Variants in PRSS48 observed in about 807,000 individuals in gnomAD.
PRSS48 encodes serine protease 48.
Under a neutral mutation model 25.6 loss-of-function variants are expected in PRSS48, and 21 were observed. The ratio of observed to expected loss-of-function variants is 0.82; its 90% CI spans 0.58 to 1.18. PRSS48 has a LOEUF of 1.18. Ranked by LOEUF, PRSS48 falls within the 50% of genes most tolerant of loss-of-function variation. PRSS48 has a pLI of 0.00. For synonymous variants in PRSS48, 150 were observed against 149.3 expected (o/e 1.00, Z -0.04); for missense variants, 373 against 399.3 (o/e 0.93, Z 0.56).
At chr4:151,279,923 G>C (rs759970528) in exon 2 of PRSS48, 1 of 1,613,638 alleles carries the variant, frequency 6.2e-7, no homozygotes, top group South Asian at 1.1e-5. Context: ...TCGTCAGTGA[G>C]AGGTTGATAC....
intron 2 of PRSS48, 126 bp from the exon 3 acceptor site, chr4:151,282,022 G>A: frequency 1.1e-6 from 1 of 928,462 alleles, no homozygotes; most frequent in Non-Finnish European, 1.7e-6. Context: ...GTTGAAGTTG[G>A]AAGCACCATG....
chr4:151,286,941 C>T (rs567849248), intron 4 of PRSS48, among the ~76,000 whole-genome samples: 4 of 151,244 alleles, frequency 2.6e-5, no homozygotes, highest in African/African-American at 7.3e-5. Context: ...GATCGCGCCA[C>T]TGCACTCCAG....
chr4:151,277,812 G>A (rs1240744806), intron 1 of PRSS48, among the ~76,000 whole-genome samples: 4 of 152,146 alleles, frequency 2.6e-5, no homozygotes, highest in Admixed American at 6.5e-5. Context: ...ATGCCAAGGC[G>A]GGCAGATCAC....
At chr4:151,286,657 G>A (rs558053345) in intron 4 of PRSS48, among the ~76,000 whole-genome samples, 1 of 150,148 alleles carries the variant, frequency 6.7e-6, no homozygotes, top group Admixed American at 6.6e-5. Context: ...AGAATTCATT[G>A]ATGAATTCTA....
chr4:151,282,314 T>C (rs778491461), exon 3 of PRSS48: 1 of 1,613,954 alleles, frequency 6.2e-7, no homozygotes, highest in Non-Finnish European at 8.5e-7. Flanking sequence ...CACCTTCACT[T>C]CTGCCATCCT....
intron 1 of PRSS48, among the ~76,000 whole-genome samples, chr4:151,277,608 C>A (rs1223667060): frequency 1.3e-5 from 2 of 152,168 alleles, no homozygotes; most frequent in Admixed American, 6.5e-5. Flanking sequence ...TTGAGCAGAA[C>A]TGAAGGGGAT....
intron 2 of PRSS48, among the ~76,000 whole-genome samples, chr4:151,280,702 G>T (rs917191630): frequency 1.3e-5 from 2 of 151,834 alleles, no homozygotes; most frequent in Non-Finnish European, 2.9e-5. Context: ...GAGGTAGAAG[G>T]ATCACTTGAG....
chr4:151,283,810 A>G (rs1012375675), intron 4 of PRSS48, among the ~76,000 whole-genome samples: 1 of 152,146 alleles, frequency 6.6e-6, no homozygotes, highest in Non-Finnish European at 1.5e-5. Flanking sequence ...GTATATTTTC[A>G]TAAGTATATT....
exon 5 of PRSS48, chr4:151,291,301 T>C (rs956492521): frequency 6.2e-7 from 1 of 1,614,008 alleles, no homozygotes; most frequent in South Asian, 1.1e-5. Flanking sequence ...TGACTTCTTG[T>C]TCCCTATTGT....
At chr4:151,291,179 T>C (rs1775302176) in exon 5 of PRSS48, 1 of 1,613,820 alleles carries the variant, frequency 6.2e-7, no homozygotes, top group Admixed American at 1.7e-5. Context: ...ACAGGAGTAG[T>C]AAGCTGGGGA....
intron 4 of PRSS48, among the ~76,000 whole-genome samples, chr4:151,287,341 CAAAAA>C (rs34944826): frequency 7.3e-5 from 6 of 82,386 alleles, no homozygotes; most frequent in Admixed American, 2.8e-4. Flanking sequence ...ACTCTGTCTC[CAAAAA>C]AAAAAAAAAA....
At chr4:151,281,947 C>T (rs1396302534) in intron 2 of PRSS48, among the ~76,000 whole-genome samples, 1 of 151,900 alleles carries the variant, frequency 6.6e-6, no homozygotes, top group Non-Finnish European at 1.5e-5. Context: ...AGGAAGAGAC[C>T]ACAGAAAGAG....
chr4:151,283,386 T>G, intron 4 of PRSS48, 100 bp downstream of exon 4: 1 of 1,049,006 alleles, frequency 9.5e-7, no homozygotes, highest in Non-Finnish European at 1.4e-6. Flanking sequence ...AGTCAGGAGA[T>G]GAGGGTTCTA....
intron 4 of PRSS48, 39 bp from the exon 5 acceptor site, chr4:151,291,079 T>A (rs888567420): frequency 2.6e-5 from 39 of 1,490,514 alleles, no homozygotes; most frequent in Non-Finnish European, 3.5e-5. Context: ...TCTTTATGCC[T>A]CTTTTCACTA....
exon 3 of PRSS48, chr4:151,282,222 A>G: frequency 6.2e-7 from 1 of 1,613,912 alleles, no homozygotes; most frequent in Non-Finnish European, 8.5e-7. Context: ...CGTGTGAAGT[A>G]CTACGTGTCC....
rs764640047 is a variant in PRSS48 at position 151,283,277 on chromosome 4, T to C, written c.642T>C (p.Asp214=). ...CTGGTGATACTCAAAACATGAAGGATAGTTGCAAGGTCAGGGTTTGCTCTA... is the reference window on the plus strand; with the variant it reads ...CTGGTGATACTCAAAACATGAAGGACAGTTGCAAGGTCAGGGTTTGCTCTA... The change falls in exon 4 of 5, where the codon GAT becomes GAC. Residue 214 remains aspartate (D), a synonymous_variant. Transcript: ENST00000455694. 10 of 1,613,574 alleles carry C rather than the reference T, an allele frequency of 6.2e-6. No homozygotes were observed. The South Asian group carries it at 1.1e-4, about 18-fold the overall frequency.
chr4:151,281,662 G>T lies in PRSS48; in HGVS notation c.216-486G>T, dbSNP rs548888064. 2.8e-5 allele frequency among the ~76,000 whole-genome samples: 4 copies of T among 141,964 alleles called. No homozygotes were observed. The East Asian group carries it at 6.2e-4, about 22-fold the overall frequency. The allele number at this position is 141,964 out of a possible 152,430, so 93.1% of individuals were successfully genotyped here. ...TTTGAACTGAGGGTGGTGGGGCAGAGAACTTGTTATTTATTTATTTATTTA... is the reference window on the plus strand; with the variant it reads ...TTTGAACTGAGGGTGGTGGGGCAGATAACTTGTTATTTATTTATTTATTTA... On this transcript the variant is annotated intron_variant, in intron 2 of 4. Coordinates refer to ENST00000455694, the Ensembl canonical transcript of PRSS48.
intron 3 of PRSS48, 132 bp downstream of exon 3, chr4:151,282,545 A>G: frequency 1.2e-6 from 1 of 867,908 alleles, no homozygotes; most frequent in South Asian, 2.1e-5. Flanking sequence ...GATATTATCT[A>G]TAAGTTTTTA....
chr4:151,291,486 C>A, downstream of PRSS48: 1 of 1,398,340 alleles, frequency 7.2e-7, no homozygotes, highest in Non-Finnish European at 9.8e-7. Context: ...CCCTGGGTGA[C>A]TTTATTTACA....
Sources: allele counts gnomAD v4.1 joint callset (sites outside exome capture counted in the v4.1 genomes callset), GRCh38; gene constraint gnomAD v4.1.1; transcripts MANE v1.5; gene names NCBI Gene and HGNC (gene_info 2026-07-23, HGNC 2026-07-21).